ADGB: variants seen among roughly 807,000 people sequenced by gnomAD.
The protein encoded by ADGB is androglobin.
A neutral mutation model predicts 210.5 loss-of-function variants in ADGB; 172 were observed. The ratio of observed to expected loss-of-function variants is 0.82; its 90% CI spans 0.72 to 0.93. The LOEUF (loss-of-function observed/expected upper bound fraction) is 0.93. Among genes scored for constraint, ADGB ranks in the 40% least tolerant of loss-of-function variants. The pLI, the probability that ADGB is intolerant of heterozygous loss-of-function variation, is 0.00. For missense variants in ADGB, 2,025 were observed against 1,964.8 expected (o/e 1.03, Z -0.58); for synonymous variants, 658 against 662.7 (o/e 0.99, Z 0.11).
intron 29 of ADGB, among the ~76,000 whole-genome samples, chr6:146,780,111 T>TA (rs1362279233): frequency 1.3e-5 from 2 of 151,742 alleles, no homozygotes; most frequent in Non-Finnish European, 2.9e-5. Flanking sequence ...GGGACAGAAA[T>TA]ACGTGAACAA....
At chr6:146,698,954 C>G (rs1354094293) in intron 12 of ADGB, among the ~76,000 whole-genome samples, 1 of 152,004 alleles carries the variant, frequency 6.6e-6, no homozygotes, top group African/African-American at 2.4e-5. Context: ...GATCAGGTTT[C>G]AACGTCCGAA....
At chr6:146,613,736 C>T (rs1780744757) in intron 1 of ADGB, among the ~76,000 whole-genome samples, 1 of 151,974 alleles carries the variant, frequency 6.6e-6, no homozygotes, top group Non-Finnish European at 1.5e-5. Flanking sequence ...AGATTTTTAC[C>T]TCTTGTGCAT....
intron 27 of ADGB, among the ~76,000 whole-genome samples, chr6:146,761,739 C>G (rs1468170059): frequency 1.3e-5 from 2 of 151,998 alleles, no homozygotes; most frequent in African/African-American, 4.8e-5. Context: ...ATTCATTCTC[C>G]AGGACTGCTA....
At chr6:146,646,162 G>T (rs1775607775) in intron 3 of ADGB, among the ~76,000 whole-genome samples, 1 of 152,066 alleles carries the variant, frequency 6.6e-6, no homozygotes. Context: ...CCAGTAATTT[G>T]GGGTGGCCTT....
At chr6:146,654,508 TCC>T (rs1310421007) in intron 4 of ADGB, among the ~76,000 whole-genome samples, 1 of 151,630 alleles carries the variant, frequency 6.6e-6, no homozygotes, top group Non-Finnish European at 1.5e-5. Flanking sequence ...ATGTGCCATC[TCC>T]CCCAGCTAAT....
At chr6:146,677,935 T>C (rs991982047) in intron 9 of ADGB, among the ~76,000 whole-genome samples, 1 of 152,202 alleles carries the variant, frequency 6.6e-6, no homozygotes, top group Non-Finnish European at 1.5e-5. Flanking sequence ...TTTTAGCATA[T>C]TTATTGCAAA....
chr6:146,717,511 C>T (rs776786668), intron 15 of ADGB, 25 bp from the exon 16 acceptor site: 2 of 1,250,666 alleles, frequency 1.6e-6, no homozygotes, highest in Middle Eastern at 1.9e-4. Flanking sequence ...ATGACAATAA[C>T]CTGTTAAAAA....
chr6:146,782,674 G>T (rs551659546), intron 30 of ADGB, among the ~76,000 whole-genome samples: 101 of 152,262 alleles, frequency 6.6e-4, no homozygotes, highest in African/African-American at 2.3e-3. Flanking sequence ...AGATGAGGCT[G>T]GAGGGGTCAG....
intron 1 of ADGB, among the ~76,000 whole-genome samples, chr6:146,613,399 A>G (rs185681247): frequency 1.3e-5 from 2 of 152,304 alleles, no homozygotes; most frequent in Admixed American, 1.3e-4. Flanking sequence ...TCATATTCTG[A>G]TTCCGTGAGG....
chr6:146,721,830 C>A (rs1441249003), intron 17 of ADGB, among the ~76,000 whole-genome samples: 1 of 152,040 alleles, frequency 6.6e-6, no homozygotes, highest in Non-Finnish European at 1.5e-5. Flanking sequence ...AAGAGTGAAA[C>A]TCTCTCTCAA....
rs1778156557 is a variant in ADGB at position 146,803,123 on chromosome 6, A to G, written c.4818+1112A>G. On this transcript the variant is annotated intron_variant, in intron 35 of 35. Transcript: ENST00000397944. ...AACAATTGGTGAGCACAGGAAGGCAATCTACCACAACGCCAAGATCTTCTA... is the reference window on the plus strand; with the variant it reads ...AACAATTGGTGAGCACAGGAAGGCAGTCTACCACAACGCCAAGATCTTCTA... 2 of 1,484,012 alleles carry G rather than the reference A, an allele frequency of 1.3e-6. 1 individual carries two copies. Among genetic ancestry groups the G allele is most frequent in the South Asian group, 2.3e-5 (2 of 88,334 alleles). The allele number at this position is 1,484,012 out of a possible 1,614,324, so 91.9% of individuals were successfully genotyped here.
Position 146,652,982 on chromosome 6 carries a change from G to A in ADGB, c.331-1153G>A, listed in dbSNP as rs80098152. ...ACACAGCAGGAGGTGAGCAGCGGGC[G>A]AACAAGCAAGGCTTCATCTGTACTC... On this transcript the variant is annotated intron_variant, in intron 3 of 35. Transcript: ENST00000397944. Among the ~76,000 whole-genome samples, 42 of 152,222 alleles carry A rather than the reference G, an allele frequency of 2.8e-4. No individual in the cohort carries two copies. The East Asian group carries it at 4.3e-3, about 15-fold the overall frequency.
chr6:146,760,178 C>T (rs1777464537), intron 27 of ADGB, among the ~76,000 whole-genome samples: 3 of 151,664 alleles, frequency 2.0e-5, no homozygotes, highest in Admixed American at 2.0e-4. Flanking sequence ...TTGATAAGTA[C>T]ATACTTTAGT....
At chr6:146,641,741 C>T (rs545373840) in intron 2 of ADGB, among the ~76,000 whole-genome samples, 1 of 151,918 alleles carries the variant, frequency 6.6e-6, no homozygotes, top group Non-Finnish European at 1.5e-5. Flanking sequence ...TTACACCATA[C>T]ACAAAAATCA....
chr6:146,713,456 T>G (rs2225136), intron 13 of ADGB, among the ~76,000 whole-genome samples: 29,693 of 152,172 alleles, frequency 0.2, 3,698 homozygotes, highest in Non-Finnish European at 0.29. Flanking sequence ...AAATGGTGTC[T>G]CATTGTAATT....
rs1467483678 is a variant in ADGB at position 146,676,309 on chromosome 6, T to G, written c.1088-4T>G. ...ATATTTATTGTGATTTTTTCATATG[T>G]TAGAGAAAGCAGATGCAAGAGACAT... On this transcript the variant is annotated splice_region_variant and splice_polypyrimidine_tract_variant and intron_variant, in intron 8 of 35. Transcript: ENST00000397944. The G allele has an allele frequency of 6.5e-7, 1 of 1,539,814 alleles. No individual in the cohort carries two copies. Among genetic ancestry groups the G allele is most frequent in the Non-Finnish European group, 8.8e-7 (1 of 1,142,046 alleles).
chr6:146,806,801 G>A (rs1583649043), intron 35 of ADGB, among the ~76,000 whole-genome samples: 1 of 152,226 alleles, frequency 6.6e-6, no homozygotes, highest in Non-Finnish European at 1.5e-5. Context: ...CAGCTGGTGA[G>A]ACAGAAGACA....
chr6:146,653,985 A>G (rs1213298879), intron 3 of ADGB, 150 bp from the exon 4 acceptor site: 2 of 400,280 alleles, frequency 5.0e-6, no homozygotes, highest in Non-Finnish European at 9.1e-6. Flanking sequence ...GGAGTTATTT[A>G]TATCCTACTG....
chr6:146,604,120 T>C (rs552350624), intron 1 of ADGB, among the ~76,000 whole-genome samples: 4 of 152,264 alleles, frequency 2.6e-5, no homozygotes, highest in South Asian at 2.1e-4. Flanking sequence ...TCAACAACTA[T>C]AGTCAATTAA....
Sources: gnomAD v4.1 joint callset for allele counts (sites outside exome capture counted in the v4.1 genomes callset) on GRCh38, gnomAD v4.1.1 for gene constraint, MANE v1.5 for transcripts, NCBI Gene and HGNC (gene_info 2026-07-23, HGNC 2026-07-21) for gene names.